The following DLGAP2 variants were observed in gnomAD, a reference collection of about 807,000 sequenced individuals.
DLGAP2 encodes DLG associated protein 2.
DLGAP2 carries 26 observed loss-of-function variants against 100.3 expected under a neutral mutation model. The ratio of observed to expected loss-of-function variants is 0.26; its 90% CI spans 0.19 to 0.36. DLGAP2 has a LOEUF of 0.36. Among genes scored for constraint, DLGAP2 ranks in the 10% least tolerant of loss-of-function variants. The pLI is 1.00. For synonymous variants in DLGAP2, 886 were observed against 630.1 expected (o/e 1.41, Z -6.08); for missense variants, 1,858 against 1,453.2 (o/e 1.28, Z -4.53).
chr8:1,538,087 G>T (rs1396814420), intron 4 of DLGAP2, among the ~76,000 whole-genome samples: 1 of 152,096 alleles, frequency 6.6e-6, no homozygotes, highest in African/African-American at 2.4e-5. Flanking sequence ...TGCAGGGCTC[G>T]GGGCTGCTGA....
At chr8:1,432,198 C>G (rs1005529630) in intron 3 of DLGAP2, among the ~76,000 whole-genome samples, 2 of 152,168 alleles carry the variant, frequency 1.3e-5, no homozygotes, top group Non-Finnish European at 2.9e-5. Flanking sequence ...CTTTTTTGCC[C>G]CATATTTCAT....
At chr8:1,316,645 A>T (rs201558384) in intron 3 of DLGAP2, among the ~76,000 whole-genome samples, 1 of 138,728 alleles carries the variant, frequency 7.2e-6, no homozygotes. Flanking sequence ...TCTCTCCAAC[A>T]GTGGTCTACA....
chr8:1,213,632 G>T (rs1798153334), intron 2 of DLGAP2, among the ~76,000 whole-genome samples: 1 of 152,132 alleles, frequency 6.6e-6, no homozygotes, highest in Admixed American at 6.5e-5. Flanking sequence ...GCATTCCTTA[G>T]GGAGCTTCCC....
At chr8:1,596,655 G>T (rs1237058040) in intron 6 of DLGAP2, among the ~76,000 whole-genome samples, 2 of 152,010 alleles carry the variant, frequency 1.3e-5, no homozygotes, top group Non-Finnish European at 2.9e-5. Flanking sequence ...ATGTTTGTTG[G>T]CCTCATAAAT....
At chr8:855,250 T>C (rs1797255224) in intron 1 of DLGAP2, among the ~76,000 whole-genome samples, 1 of 152,174 alleles carries the variant, frequency 6.6e-6, no homozygotes, top group African/African-American at 2.4e-5. Flanking sequence ...TCCTTTCTCT[T>C]TTTTCAGAAC....
chr8:1,227,153 G>GAGATATATATATATATATATATATAT (rs1554506451), intron 2 of DLGAP2, among the ~76,000 whole-genome samples: 2 of 89,750 alleles, frequency 2.2e-5, no homozygotes, highest in Non-Finnish European at 3.9e-5. Context: ...GAAACTGTGA[G>GAGATATATATATATATATATATATAT]ATATATATAT....
intron 12 of DLGAP2, among the ~76,000 whole-genome samples, chr8:1,687,986 A>G (rs1037197660): frequency 6.6e-6 from 1 of 152,174 alleles, no homozygotes; most frequent in East Asian, 1.9e-4. Flanking sequence ...TCCCCTCGTC[A>G]TCAGCGAGTC....
chr8:895,358 T>C (rs149019646), intron 1 of DLGAP2, among the ~76,000 whole-genome samples: 30 of 152,276 alleles, frequency 2.0e-4, no homozygotes, highest in African/African-American at 7.0e-4. Flanking sequence ...GCTGTTGCAG[T>C]TGCAGTGTTG....
Position 1,549,221 on chromosome 8 carries a change from C to A in DLGAP2, c.768C>A (p.Gly256=). 1 of 1,604,092 alleles carries A rather than the reference C, an allele frequency of 6.2e-7. No homozygotes were observed. The highest frequency in any genetic ancestry group is 8.5e-7 in the Non-Finnish European group (1 of 1,176,060). Residue 256 remains glycine (G), a synonymous_variant, in exon 5 of 15, where the codon GGC becomes GGA. Coordinates refer to ENST00000637795, the MANE Select transcript of DLGAP2 (RefSeq NM_001346810.2). ...LEGSSKSNAN[G]TKADGRADDH... is the part of the protein sequence containing the mutation. Reference sequence around the variant, plus strand: ...GCTCCTCCAAAAGCAACGCCAACGGCACCAAGGCGGACGGCCGGGCGGACG... The same window carrying A: ...GCTCCTCCAAAAGCAACGCCAACGGAACCAAGGCGGACGGCCGGGCGGACG...
At chr8:1,447,298 G>A (rs1449851402) in intron 3 of DLGAP2, among the ~76,000 whole-genome samples, 7 of 152,272 alleles carry the variant, frequency 4.6e-5, no homozygotes, top group Non-Finnish European at 1.0e-4. Flanking sequence ...TAGCATGAAG[G>A]TTGTTGAATT....
rs138743743 is a variant in DLGAP2 at position 1,183,960 on chromosome 8, T to C, written c.74-74891T>C. 6.6e-3 allele frequency among the ~76,000 whole-genome samples: 1,002 copies of C among 152,314 alleles called. 11 individuals are homozygous for C. Among genetic ancestry groups the C allele is most frequent in the African/African-American group, 0.023 (953 of 41,564 alleles). Reference sequence around the variant, plus strand: ...GTGATTATTACATTAAAGTAATATATGTAAAAATGATATTTGGCCAATAAA... The same window carrying C: ...GTGATTATTACATTAAAGTAATATACGTAAAAATGATATTTGGCCAATAAA... On this transcript the variant is annotated intron_variant, in intron 2 of 14. Transcript: ENST00000637795.
intron 2 of DLGAP2, among the ~76,000 whole-genome samples, chr8:1,195,836 G>A (rs1797738797): frequency 2.6e-5 from 4 of 152,222 alleles, no homozygotes; most frequent in Admixed American, 2.0e-4. Flanking sequence ...TGCAGCGGTA[G>A]ATACGTTCTG....
intron 2 of DLGAP2, among the ~76,000 whole-genome samples, chr8:1,123,190 C>T (rs954077968): frequency 6.6e-6 from 1 of 152,150 alleles, no homozygotes; most frequent in Non-Finnish European, 1.5e-5. Context: ...AAAGGCTTCC[C>T]CATTAATCAA....
intron 8 of DLGAP2, among the ~76,000 whole-genome samples, chr8:1,641,936 G>A (rs1409906301): frequency 1.2e-4 from 10 of 86,616 alleles, no homozygotes; most frequent in African/African-American, 2.5e-4. Context: ...TGTCACCCTC[G>A]ACCCCGCCGG....
At chr8:1,388,957 G>C (rs1198257149) in intron 3 of DLGAP2, among the ~76,000 whole-genome samples, 5 of 139,946 alleles carry the variant, frequency 3.6e-5, no homozygotes, top group African/African-American at 5.5e-5. Flanking sequence ...GGCTGTGAGA[G>C]GCAGAGGCCG....
At chr8:1,045,139 T>G (rs1178937659) in intron 2 of DLGAP2, among the ~76,000 whole-genome samples, 1 of 152,240 alleles carries the variant, frequency 6.6e-6, no homozygotes, top group Non-Finnish European at 1.5e-5. Context: ...GAAACCCTGG[T>G]CTAGACTTCC....
At chr8:1,115,277 G>A (rs1304552898) in intron 2 of DLGAP2, among the ~76,000 whole-genome samples, 2 of 152,184 alleles carry the variant, frequency 1.3e-5, no homozygotes, top group African/African-American at 4.8e-5. Context: ...GTCTAACACT[G>A]TCAGTGGAAT....
At chr8:1,022,506 C>G (rs568485956) in intron 2 of DLGAP2, among the ~76,000 whole-genome samples, 2 of 145,660 alleles carry the variant, frequency 1.4e-5, no homozygotes, top group East Asian at 4.2e-4. Context: ...GGTCCCATGC[C>G]GAGGTAGACA....
intron 1 of DLGAP2, among the ~76,000 whole-genome samples, chr8:754,512 T>C (rs1204123614): frequency 6.6e-6 from 1 of 152,202 alleles, no homozygotes; most frequent in Non-Finnish European, 1.5e-5. Flanking sequence ...TTCCTGAAGC[T>C]AGGAATAATA....
Sources: allele counts gnomAD v4.1 joint callset (sites outside exome capture counted in the v4.1 genomes callset), GRCh38; gene constraint gnomAD v4.1.1; transcripts MANE v1.5; gene names NCBI Gene and HGNC (gene_info 2026-07-23, HGNC 2026-07-21).